The following RSU1 variants were observed in gnomAD, a reference collection of about 807,000 sequenced individuals.
RSU1 encodes the protein Ras suppressor protein 1.
A neutral mutation model predicts 31.1 loss-of-function variants in RSU1; 26 were observed. The observed-to-expected ratio is 0.84, with a 90% CI of 0.61 to 1.16. RSU1 has a LOEUF of 1.16. Among genes scored for constraint, RSU1 ranks in the 50% most tolerant of loss-of-function variants. The probability of loss-of-function intolerance (pLI) is 0.00; values close to 1 mark genes in which losing one functional copy is unlikely to be tolerated. For synonymous variants in RSU1, 164 were observed against 136.3 expected, an observed-to-expected ratio of 1.20 and a Z score of -1.41; for missense variants, 320 against 339.1, an observed-to-expected ratio of 0.94 and a Z score of 0.44.
intron 7 of RSU1, among the ~76,000 whole-genome samples, chr10:16,734,693 G>A (rs142594030): frequency 6.6e-6 from 1 of 152,156 alleles, no homozygotes; most frequent in Non-Finnish European, 1.5e-5. Flanking sequence ...GGTGAACAAT[G>A]CAACAGTATC....
chr10:16,681,701 G>A (rs1390560352), intron 8 of RSU1, among the ~76,000 whole-genome samples: 1 of 152,146 alleles, frequency 6.6e-6, no homozygotes, highest in African/African-American at 2.4e-5. Flanking sequence ...GCTGAGGTGG[G>A]TGGGATGAGG....
intron 8 of RSU1, among the ~76,000 whole-genome samples, chr10:16,594,734 CATAT>C (rs1453969696): frequency 7.0e-6 from 1 of 143,482 alleles, no homozygotes; most frequent in Non-Finnish European, 1.5e-5. Flanking sequence ...GATAATATAT[CATAT>C]ATATCATATA....
At chr10:16,699,428 T>A (rs1835742175) in intron 7 of RSU1, among the ~76,000 whole-genome samples, 1 of 152,242 alleles carries the variant, frequency 6.6e-6, no homozygotes, top group East Asian at 1.9e-4. Flanking sequence ...CGACTCATAT[T>A]GGCCTAGCAA....
At chr10:16,764,276 A>G (rs918265271) in intron 4 of RSU1, 114 bp downstream of exon 4, 1 of 1,245,656 alleles carries the variant, frequency 8.0e-7, no homozygotes, top group Non-Finnish European at 1.1e-6. Context: ...ACATAAAAAG[A>G]AATTAGAAAT....
At chr10:16,734,051 C>G (rs1252457212) in intron 7 of RSU1, among the ~76,000 whole-genome samples, 3 of 152,216 alleles carry the variant, frequency 2.0e-5, no homozygotes, top group African/African-American at 7.2e-5. Context: ...TCCAACACGA[C>G]TCCAATTGCT....
intron 3 of RSU1, among the ~76,000 whole-genome samples, chr10:16,775,484 C>A (rs1837509227): frequency 6.6e-6 from 1 of 151,916 alleles, no homozygotes; most frequent in Admixed American, 6.6e-5. Flanking sequence ...AGAACAGGTA[C>A]ATTTTGGTTG....
At chr10:16,813,843 G>A (rs1213330495) in intron 2 of RSU1, among the ~76,000 whole-genome samples, 1 of 152,082 alleles carries the variant, frequency 6.6e-6, no homozygotes, top group Non-Finnish European at 1.5e-5. Flanking sequence ...GAAAGTTCTT[G>A]GTACCTAAAC....
At chr10:16,806,259 A>C (rs959158579) in intron 2 of RSU1, among the ~76,000 whole-genome samples, 14 of 152,198 alleles carry the variant, frequency 9.2e-5, no homozygotes, top group African/African-American at 3.4e-4. Flanking sequence ...CATGGCTTCT[A>C]GAACATGACC....
Position 16,695,156 on chromosome 10 carries a change from C to A in RSU1, c.599-1G>T, listed in dbSNP as rs780966850. The A allele has an allele frequency of 2.9e-6, 4 of 1,391,002 alleles. No individual in the cohort carries two copies. The highest frequency in any genetic ancestry group is 4.7e-5 in the Admixed American group (2 of 42,194). The allele number at this position is 1,391,002 out of a possible 1,614,324, so 86.2% of individuals were successfully genotyped here. A position where few individuals can be genotyped will look rare whatever the true frequency, so the allele number is the denominator to read the frequency against. ...TTCTGGCCAGTTAAATCCAAGTTTC[C>A]TGGGGGGGGGGAAAAAAAAAGTGAA... On this transcript the variant is annotated splice_acceptor_variant, in intron 7 of 8. Coordinates refer to ENST00000345264, the MANE Select transcript of RSU1 (RefSeq NM_012425.4). LOFTEE classifies it high-confidence loss of function.
intron 8 of RSU1, among the ~76,000 whole-genome samples, chr10:16,684,985 T>G (rs1835412557): frequency 6.6e-6 from 1 of 152,174 alleles, no homozygotes; most frequent in Admixed American, 6.5e-5. Context: ...TGGTGGCTCA[T>G]GCTTGTAATC....
intron 8 of RSU1, among the ~76,000 whole-genome samples, chr10:16,683,003 G>T (rs929531110): frequency 6.6e-6 from 1 of 152,106 alleles, no homozygotes; most frequent in East Asian, 1.9e-4. Context: ...ACGCATCTTC[G>T]AATTCAAAGC....
At chr10:16,804,802 G>T (rs948124352) in intron 2 of RSU1, among the ~76,000 whole-genome samples, 3 of 152,206 alleles carry the variant, frequency 2.0e-5, no homozygotes, top group African/African-American at 7.2e-5. Context: ...TTCAGTGGTT[G>T]TCTGAGGTTT....
At chr10:16,797,946 C>G (rs1257123918) in intron 2 of RSU1, among the ~76,000 whole-genome samples, 1 of 148,844 alleles carries the variant, frequency 6.7e-6, no homozygotes, top group African/African-American at 2.5e-5. Context: ...ACTGTAACCT[C>G]CGCCTCTCGG....
intron 8 of RSU1, among the ~76,000 whole-genome samples, chr10:16,639,931 CT>C (rs890118052): frequency 6.6e-6 from 1 of 152,156 alleles, no homozygotes; most frequent in Non-Finnish European, 1.5e-5. Flanking sequence ...AAGTTGTATG[CT>C]TTTTAATATA....
intron 8 of RSU1, among the ~76,000 whole-genome samples, chr10:16,688,384 G>C (rs1319283107): frequency 6.6e-6 from 1 of 151,994 alleles, no homozygotes; most frequent in African/African-American, 2.4e-5. Flanking sequence ...AGGCGGACGG[G>C]TCACGAGGTC....
chr10:16,759,409 A>C (rs1014074868), intron 4 of RSU1, among the ~76,000 whole-genome samples: 6 of 152,108 alleles, frequency 3.9e-5, no homozygotes, highest in Non-Finnish European at 7.4e-5. Flanking sequence ...CAGGAGGCTG[A>C]TGTGGGAGGA....
chr10:16,718,979 T>C (rs1404413419), intron 7 of RSU1, among the ~76,000 whole-genome samples: 1 of 109,814 alleles, frequency 9.1e-6, no homozygotes, highest in South Asian at 3.0e-4. Context: ...TGAAACTTCA[T>C]CTCAAAAAAA....
chr10:16,630,465 A>T (rs76878461), intron 8 of RSU1, among the ~76,000 whole-genome samples: 26 of 152,282 alleles, frequency 1.7e-4, no homozygotes, highest in African/African-American at 6.3e-4. Context: ...ATTCGTTCCA[A>T]TGAGAGCTGG....
chr10:16,790,268 G>A (rs1166109310), intron 2 of RSU1, among the ~76,000 whole-genome samples: 9 of 152,140 alleles, frequency 5.9e-5, no homozygotes, highest in Non-Finnish European at 8.8e-5. Context: ...GATTCTCTTA[G>A]AGGCAGCATC....
Sources: gnomAD v4.1 joint callset for allele counts (sites outside exome capture counted in the v4.1 genomes callset) on GRCh38, gnomAD v4.1.1 for gene constraint, MANE v1.5 for transcripts, NCBI Gene and HGNC (gene_info 2026-07-23, HGNC 2026-07-21) for gene names.